Variants in CSMD3 observed in about 807,000 individuals in gnomAD.
CSMD3 encodes the protein CUB and sushi domain-containing protein 3.
In CSMD3, 177 loss-of-function variants were observed where a neutral mutation model predicts 435.2. The ratio of observed to expected loss-of-function variants is 0.41; its 90% CI spans 0.36 to 0.46. The LOEUF (loss-of-function observed/expected upper bound fraction) is 0.46, where lower values mean the gene tolerates loss of function less well. Among genes scored for constraint, CSMD3 ranks in the 20% least tolerant of loss-of-function variants. CSMD3 has a pLI of 0.34. For synonymous variants in CSMD3, 1,656 were observed against 1,520.5 expected (o/e 1.09, Z -2.07); for missense variants, 4,265 against 4,504.6 (o/e 0.95, Z 1.52).
intron 13 of CSMD3, among the ~76,000 whole-genome samples, chr8:112,697,104 T>C (rs1331880588): frequency 4.6e-5 from 7 of 151,220 alleles, no homozygotes; most frequent in Non-Finnish European, 8.8e-5. Context: ...TGTGGAGAAA[T>C]AGGAACACTT....
At chr8:112,735,894 C>T (rs2077176155) in intron 13 of CSMD3, among the ~76,000 whole-genome samples, 1 of 151,808 alleles carries the variant, frequency 6.6e-6, no homozygotes, top group African/African-American at 2.4e-5. Context: ...TAGACAAGTT[C>T]AATGTAAATT....
intron 61 of CSMD3, among the ~76,000 whole-genome samples, chr8:112,257,160 T>G (rs1199984545): frequency 1.3e-5 from 2 of 152,178 alleles, no homozygotes; most frequent in African/African-American, 4.8e-5. Context: ...TCATACTGAA[T>G]GGGCAAAAAC....
At chr8:113,038,567 C>A (rs2087460018) in intron 5 of CSMD3, among the ~76,000 whole-genome samples, 1 of 152,118 alleles carries the variant, frequency 6.6e-6, no homozygotes, top group South Asian at 2.1e-4. Context: ...CATGGCCTAG[C>A]AAATTCTCCC....
chr8:113,404,886 TC>T (rs1305642038), intron 1 of CSMD3, among the ~76,000 whole-genome samples: 2 of 151,482 alleles, frequency 1.3e-5, no homozygotes, highest in Admixed American at 6.6e-5. Flanking sequence ...ACTTGTTTCA[TC>T]CCTTAAAAAA....
At chr8:112,844,393 G>T (rs189068846) in intron 11 of CSMD3, among the ~76,000 whole-genome samples, 1 of 152,076 alleles carries the variant, frequency 6.6e-6, no homozygotes, top group Admixed American at 6.6e-5. Flanking sequence ...CTAGCTGGTA[G>T]CAAGTTGTCC....
chr8:112,455,862 G>A (rs1172461177), intron 32 of CSMD3, among the ~76,000 whole-genome samples: 2 of 150,678 alleles, frequency 1.3e-5, no homozygotes, highest in African/African-American at 4.9e-5. Context: ...TGCAAGCTGG[G>A]ATTTAAAAAA....
In CSMD3 at chr8:113,293,977, A is replaced by G. The variant is rs1374296012; in HGVS notation, c.402-15273T>C. On this transcript the variant is annotated intron_variant, in intron 2 of 70. Transcript: ENST00000297405. ...TTGAGTAAAAAATATATTTCCACAAATGATATTCTATCTCCATTGAAACCG... is the reference window on the plus strand; with the variant it reads ...TTGAGTAAAAAATATATTTCCACAAGTGATATTCTATCTCCATTGAAACCG... Among the ~76,000 whole-genome samples, 2 of 152,078 alleles carry G rather than the reference A, an allele frequency of 1.3e-5. 1 individual carries two copies. The highest frequency in any genetic ancestry group is 4.8e-5 in the African/African-American group (2 of 41,430).
intron 45 of CSMD3, among the ~76,000 whole-genome samples, chr8:112,330,028 C>T (rs981671660): frequency 6.6e-6 from 1 of 152,064 alleles, no homozygotes; most frequent in Admixed American, 6.6e-5. Flanking sequence ...GGGTTCTGTG[C>T]TCTAGCTATT....
chr8:112,346,176 C>T lies in CSMD3; in HGVS notation c.6363G>A (p.Val2121=), dbSNP rs781073287. The stretch of plus-strand genomic sequence containing the variant: ...TTCCAGGAAACCCAGGACTGAGGAT[C>T]ACACCACTGAAGTCTGACATAGCAC... ...CGGAMSDFSG[V]ILSPGFPGNY... Residue 2121 remains valine (V), a synonymous_variant, in exon 41 of 71, where the codon GTG becomes GTA. Transcript: ENST00000297405. 22 of 1,613,500 alleles carry T rather than the reference C, an allele frequency of 1.4e-5. 1 individual carries two copies. In the South Asian group the frequency reaches 2.3e-4, roughly 17 times the overall value.
chr8:112,993,320 T>C (rs1438229805), intron 6 of CSMD3, among the ~76,000 whole-genome samples: 1 of 151,766 alleles, frequency 6.6e-6, no homozygotes, highest in Non-Finnish European at 1.5e-5. Context: ...CCCTTTAAGC[T>C]GGAAAAGTAT....
chr8:112,972,731 A>G (rs1209564461), intron 7 of CSMD3, among the ~76,000 whole-genome samples: 2 of 151,984 alleles, frequency 1.3e-5, no homozygotes, highest in Admixed American at 1.3e-4. Context: ...CATTAGTTTG[A>G]CAACTATTTT....
chr8:113,008,138 G>A (rs2086126955), intron 6 of CSMD3, among the ~76,000 whole-genome samples: 1 of 151,674 alleles, frequency 6.6e-6, no homozygotes, highest in Non-Finnish European at 1.5e-5. Flanking sequence ...ATTATTAACA[G>A]TCAGAATTTT....
chr8:113,316,339 T>G (rs2132680714), intron 1 of CSMD3, among the ~76,000 whole-genome samples: 1 of 152,270 alleles, frequency 6.6e-6, no homozygotes, highest in South Asian at 2.1e-4. Context: ...AATTTGGGGC[T>G]CCTCTCTTTG....
In CSMD3 at chr8:112,437,262, CAT is replaced by C. The variant is rs200836472; in HGVS notation, c.5396-28232_5396-28231del. Among the ~76,000 whole-genome samples, 221 of 152,130 alleles carry C rather than the reference CAT, an allele frequency of 1.5e-3. 5 individuals carry two copies. The East Asian group carries it at 0.037, about 26-fold the overall frequency. ...GTTTAATTATTTCCAACATGTTCCA[CAT>C]GTTTCTATCAATTTAATATCATTTC... On this transcript the variant is annotated intron_variant, in intron 32 of 70. Coordinates refer to ENST00000297405, the MANE Select transcript of CSMD3 (RefSeq NM_198123.2).
intron 22 of CSMD3, among the ~76,000 whole-genome samples, chr8:112,622,615 T>C (rs1386733638): frequency 6.6e-6 from 1 of 152,130 alleles, no homozygotes; most frequent in Admixed American, 6.6e-5. Flanking sequence ...ATTTGGTCCG[T>C]ATGCAAAAGA....
chr8:113,384,584 C>T (rs76071840), intron 1 of CSMD3, among the ~76,000 whole-genome samples: 2,789 of 152,222 alleles, frequency 0.018, 100 homozygotes, highest in African/African-American at 0.061. Context: ...CTGAAAGGAT[C>T]CCAAAGATCT....
intron 3 of CSMD3, among the ~76,000 whole-genome samples, chr8:113,245,928 T>C (rs1292390452): frequency 6.6e-6 from 1 of 152,040 alleles, no homozygotes. Context: ...TTCAACCCTT[T>C]GGAAATGGCA....
rs555448755 is a variant in CSMD3, at chr8:112,238,260, G to A, written c.10469-912C>T. On this transcript the variant is annotated intron_variant, in intron 66 of 70. Transcript: ENST00000297405. ...GAATGACTGAATGAAGTGGATTTAG[G>A]AAAAAGTCCTTTTTTTTAATTTGTC... is the stretch of plus-strand genomic sequence containing the variant. Among the ~76,000 whole-genome samples the A allele has an allele frequency of 2.0e-5, 3 of 151,360 alleles. No homozygotes were observed. The South Asian group carries it at 6.3e-4, about 32-fold the overall frequency.
At chr8:112,492,811 A>G in intron 30 of CSMD3, 128 bp from the exon 31 acceptor site, 5 of 783,608 alleles carry the variant, frequency 6.4e-6, no homozygotes, top group Non-Finnish European at 8.9e-6. Context: ...CTGTATCTGT[A>G]CTGAATATAT....
Sources: allele counts gnomAD v4.1 joint callset (sites outside exome capture counted in the v4.1 genomes callset), GRCh38; gene constraint gnomAD v4.1.1; transcripts MANE v1.5; gene names NCBI Gene and HGNC (gene_info 2026-07-23, HGNC 2026-07-21).